SNIP1: variants seen among roughly 807,000 people sequenced by gnomAD.
SNIP1 encodes the protein smad nuclear-interacting protein 1.
SNIP1 carries 23 observed loss-of-function variants against 37.4 expected under a neutral mutation model. The ratio of observed to expected loss-of-function variants is 0.61; its 90% CI spans 0.44 to 0.87. SNIP1 has a LOEUF of 0.87. Among genes scored for constraint, SNIP1 ranks in the 40% least tolerant of loss-of-function variants. The probability of loss-of-function intolerance (pLI) is 0.00; values close to 1 mark genes in which losing one functional copy is unlikely to be tolerated. For missense variants in SNIP1, 459 were observed against 540.4 expected (o/e 0.85, Z 1.49); for synonymous variants, 174 against 200.0 (o/e 0.87, Z 1.10).
rs1643153974 is a variant in SNIP1, at chr1:37,540,047, CAT to C, written c.926+108_926+109del. ...TAGATTAACAATACTCTTTAGATAACATATGAGGGGTATGGGATTCTTCTGCA... is the reference window on the plus strand; with the variant it reads ...TAGATTAACAATACTCTTTAGATAACATGAGGGGTATGGGATTCTTCTGCA... On this transcript the variant is annotated intron_variant, in intron 3 of 3. Transcript: ENST00000296215. This position sits in a 1 kb window ranked among gnomAD's most constrained non-coding sequence, Gnocchi z 5.6. 8 of 859,596 alleles carry C rather than the reference CAT, an allele frequency of 9.3e-6. No individual in the cohort carries two copies. Among genetic ancestry groups the C allele is most frequent in the Non-Finnish European group, 1.5e-5 (8 of 542,816 alleles). 53.2% of individuals were successfully genotyped at this position (859,596 alleles called of 1,614,324 possible).
intron 2 of SNIP1, chr1:37,541,444 C>G (rs531357124): frequency 1.9e-4 from 29 of 152,204 alleles, no homozygotes; most frequent in African/African-American, 5.8e-4. Flanking sequence ...GGGTGGATCA[C>G]CTGAGGTCAG....
intron 2 of SNIP1, among the ~76,000 whole-genome samples, chr1:37,542,672 A>C (rs1454674387): frequency 6.6e-6 from 1 of 152,128 alleles, no homozygotes; most frequent in East Asian, 1.9e-4. Context: ...CCTGGGAGGC[A>C]GAGATTGCAG....
intron 2 of SNIP1, among the ~76,000 whole-genome samples, chr1:37,552,216 G>A (rs550493704): frequency 6.6e-6 from 1 of 152,298 alleles, no homozygotes; most frequent in South Asian, 2.1e-4. Context: ...CAGAAGTTAA[G>A]GAAGGATAAA....
chr1:37,552,866 T>A, intron 1 of SNIP1, 119 bp from the exon 2 acceptor site: 1 of 822,204 alleles, frequency 1.2e-6, no homozygotes, highest in East Asian at 2.4e-5. Flanking sequence ...TCTCTGCCGG[T>A]CACATTAAAG....
chr1:37,540,848 G>C lies in SNIP1; in HGVS notation c.328-93C>G. On this transcript the variant is annotated intron_variant, in intron 2 of 3. Coordinates refer to ENST00000296215, the MANE Select transcript of SNIP1 (RefSeq NM_024700.4). The surrounding 1 kb of genome is among the most constrained non-coding windows in gnomAD (Gnocchi z 5.6). ...TTTTTGAACGAAGTGCATGCAAAAA[G>C]TCTTGTAATTTGGACTTTGGCATTT... The C allele has an allele frequency of 7.8e-7, 1 of 1,278,282 alleles. No homozygotes were observed. The highest frequency in any genetic ancestry group is 2.3e-5 in the East Asian group (1 of 42,742). The allele number at this position is 1,278,282 out of a possible 1,614,324, so 79.2% of individuals were successfully genotyped here. A position where few individuals can be genotyped will look rare whatever the true frequency, so the allele number is the denominator to read the frequency against.
chr1:37,547,543 G>A (rs932703196), intron 2 of SNIP1, among the ~76,000 whole-genome samples: 5 of 151,802 alleles, frequency 3.3e-5, no homozygotes, highest in Non-Finnish European at 7.4e-5. Flanking sequence ...AGACCAGCCT[G>A]GCCAACATGG....
Position 37,540,746 on chromosome 1 carries a change from C to A in SNIP1, c.337G>T (p.Asp113Tyr), listed in dbSNP as rs776856243. The change falls in exon 3 of 4, where the codon GAT (aspartate) becomes TAT (tyrosine). Residue 113 changes from aspartate to tyrosine, a missense_variant. Coordinates refer to ENST00000296215, the MANE Select transcript of SNIP1 (RefSeq NM_024700.4). This position sits in a 1 kb window ranked among gnomAD's most constrained non-coding sequence, Gnocchi z 5.6. ...STVKVKQERE[D>Y]HPRRGREDRQ... ...TCCTCCCGTCCTCTCCGGGGATGAT[C>A]CTCACGCTCCTAAAATTCAAACAGA... The A allele has an allele frequency of 2.3e-5, 36 of 1,593,032 alleles. No individual in the cohort carries two copies. The highest frequency in any genetic ancestry group is 3.3e-4 in the Middle Eastern group (2 of 6,000).
chr1:37,549,943 T>C (rs139278895), intron 2 of SNIP1, among the ~76,000 whole-genome samples: 2 of 152,208 alleles, frequency 1.3e-5, no homozygotes, highest in African/African-American at 4.8e-5. Context: ...CACACAAATA[T>C]GCCCAACTGA....
chr1:37,552,814 T>C (rs1643316451), intron 1 of SNIP1, 67 bp from the exon 2 acceptor site: 1 of 1,292,404 alleles, frequency 7.7e-7, no homozygotes, highest in East Asian at 2.3e-5. Context: ...TAGCTTCCAG[T>C]ATCAGGCTTA....
chr1:37,553,866 C>A, intron 1 of SNIP1, 140 bp downstream of exon 1: 1 of 833,074 alleles, frequency 1.2e-6, no homozygotes, highest in Non-Finnish European at 1.9e-6. Flanking sequence ...ACAAGCACGA[C>A]TGGATCACTC....
intron 2 of SNIP1, chr1:37,545,195 G>C (rs955682561): frequency 1.4e-6 from 1 of 690,582 alleles, no homozygotes; most frequent in South Asian, 1.4e-5. Flanking sequence ...ATCAAGAATT[G>C]GGTGACCATG....
Position 37,540,815 on chromosome 1 carries a change from T to C in SNIP1, c.328-60A>G. 6.8e-7 allele frequency: 1 copy of C among 1,467,450 alleles called. No individual in the cohort carries two copies. The highest frequency in any genetic ancestry group is 9.1e-7 in the Non-Finnish European group (1 of 1,103,694). 90.9% of individuals were successfully genotyped at this position (1,467,450 alleles called of 1,614,324 possible). Reference sequence around the variant, plus strand: ...GTGCACAATCTAAAGGCAGCCCAAATCTTGTTCTTTTTGAACGAAGTGCAT... The same window carrying C: ...GTGCACAATCTAAAGGCAGCCCAAACCTTGTTCTTTTTGAACGAAGTGCAT... On this transcript the variant is annotated intron_variant, in intron 2 of 3. Coordinates refer to ENST00000296215, the MANE Select transcript of SNIP1 (RefSeq NM_024700.4). This position sits in a 1 kb window ranked among gnomAD's most constrained non-coding sequence, Gnocchi z 5.6.
rs780535249 is a variant in SNIP1, at chr1:37,540,629, T to C, written c.454A>G (p.Thr152Ala). The C allele has an allele frequency of 1.9e-6, 3 of 1,614,116 alleles. No individual in the cohort carries two copies. The highest frequency in any genetic ancestry group is 2.2e-5 in the East Asian group (1 of 44,878). Reference sequence around the variant, plus strand: ...CCACTCCCAGGCCTCTCGTTAGACGTTCTCCTTTGGTGGGAATGGCCCCGG... The same window carrying C: ...CCACTCCCAGGCCTCTCGTTAGACGCTCTCCTTTGGTGGGAATGGCCCCGG... ...RHRGHSHQRR[T>A]SNERPGSGQG... Residue 152 changes from threonine to alanine, a missense_variant, in exon 3 of 4, where the codon ACG becomes GCG. Thr to Ala is a moderately conservative substitution (Grantham distance 58). Transcript: ENST00000296215. The surrounding 1 kb of genome is among the most constrained non-coding windows in gnomAD (Gnocchi z 5.6).
rs1415206280 is a variant in SNIP1, at chr1:37,537,995, C to T, written c.944G>A (p.Arg315His). 3.7e-6 allele frequency: 6 copies of T among 1,605,920 alleles called. No homozygotes were observed. The highest frequency in any genetic ancestry group is 2.2e-5 in the East Asian group (1 of 44,786). The change falls in exon 4 of 4, where the codon CGT becomes CAT. Residue 315 changes from arginine (R) to histidine (H), a missense_variant. Transcript: ENST00000296215. ...TCTTCGGCCAACTGTGCCATCAGCA[C>T]GGGTATATTCCACAAGCCTAGCAGA... ...VFQYRLVEYT[R>H]ADGTVGRRVK...
At position 37,554,293 on chromosome 1, in the gene SNIP1, C is replaced by A; in HGVS notation, c.-64G>T. The stretch of plus-strand genomic sequence containing the variant: ...GAGCTCCTCTAGCTGGAGGAAATGA[C>A]GAGTTTAACTCCTGGACTTCCGCTT... On this transcript the variant is annotated 5_prime_UTR_variant, in exon 1 of 4. Transcript: ENST00000296215. The A allele has an allele frequency of 3.3e-6, 5 of 1,495,416 alleles. No individual in the cohort carries two copies. The South Asian group carries it at 5.2e-5, about 16-fold the overall frequency. 92.6% of individuals were successfully genotyped at this position (1,495,416 alleles called of 1,614,324 possible). A position where few individuals can be genotyped will look rare whatever the true frequency, so the allele number is the denominator to read the frequency against.
chr1:37,537,651 G>A lies in SNIP1; in HGVS notation c.*97C>T, dbSNP rs1643114575. On this transcript the variant is annotated 3_prime_UTR_variant, in exon 4 of 4. Coordinates refer to ENST00000296215, the MANE Select transcript of SNIP1 (RefSeq NM_024700.4). The stretch of plus-strand genomic sequence containing the variant: ...AAGGCAGTAAGAGGCATTACAGAGA[G>A]CACCATAGTGCTGGACCCACCACCA... The A allele has an allele frequency of 2.3e-6, 3 of 1,309,612 alleles. No homozygotes were observed. The highest frequency in any genetic ancestry group is 3.0e-5 in the African/African-American group (2 of 67,746). The allele number at this position is 1,309,612 out of a possible 1,614,324, so 81.1% of individuals were successfully genotyped here.
At chr1:37,553,894 T>A (rs2148118746) in intron 1 of SNIP1, 112 bp downstream of exon 1, 1 of 1,099,990 alleles carries the variant, frequency 9.1e-7, no homozygotes, top group East Asian at 2.6e-5. Flanking sequence ...CCCCTCAGGA[T>A]TAAGTCCGGG....
intron 2 of SNIP1, among the ~76,000 whole-genome samples, chr1:37,545,616 C>T (rs145694326): frequency 6.6e-6 from 1 of 151,724 alleles, no homozygotes; most frequent in Non-Finnish European, 1.5e-5. Flanking sequence ...TAGAATGACA[C>T]AAAAATTAGC....
chr1:37,552,549 T>C lies in SNIP1; in HGVS notation c.327+96A>G, dbSNP rs72657793. 0.064 allele frequency: 65,609 copies of C among 1,027,028 alleles called. 2,570 individuals carry two copies. Among genetic ancestry groups the C allele is most frequent in the Non-Finnish European group, 0.079 (51,515 of 649,070 alleles). 63.6% of individuals were successfully genotyped at this position (1,027,028 alleles called of 1,614,324 possible). A position where few individuals can be genotyped will look rare whatever the true frequency, so the allele number is the denominator to read the frequency against. ...AGATGTAGGCGAGCGTACGTGCACA[T>C]GTGTGCACACACACAACACACACAC... is the stretch of plus-strand genomic sequence containing the variant. On this transcript the variant is annotated intron_variant, in intron 2 of 3. Transcript: ENST00000296215.
Sources: gnomAD v4.1 joint callset for allele counts (sites outside exome capture counted in the v4.1 genomes callset) on GRCh38, gnomAD v4.1.1 for gene constraint, Gnocchi (gnomAD v3.1) non-coding constraint, MANE v1.5 for transcripts, NCBI Gene and HGNC (gene_info 2026-07-23, HGNC 2026-07-21) for gene names.